Variants in SRRM1 observed in about 807,000 individuals in gnomAD.
SRRM1 encodes serine and arginine repetitive matrix 1.
A neutral mutation model predicts 110.2 loss-of-function variants in SRRM1; 19 were observed. That is an observed-to-expected ratio of 0.17 (90% CI 0.12 to 0.25). The LOEUF (loss-of-function observed/expected upper bound fraction) is 0.25, where lower values mean the gene tolerates loss of function less well. SRRM1 is among the 10% of genes least tolerant of loss of function. The pLI is 1.00. For synonymous variants in SRRM1, 443 were observed against 414.9 expected (o/e 1.07, Z -0.82); for missense variants, 918 against 1,145.8 (o/e 0.80, Z 2.87).
rs908855785 is a variant in SRRM1, at chr1:24,673,022, C to T, written c.*736C>T. ...GCAATGAGCTAGTCCCAGAAAGGAT[C>T]CTTCAGTTACATACAATTTGTTTAA... On this transcript the variant is annotated 3_prime_UTR_variant, in exon 17 of 17. Coordinates refer to ENST00000323848, the MANE Select transcript of SRRM1 (RefSeq NM_005839.4). 6.6e-6 allele frequency: 1 copy of T among 151,884 alleles called. No homozygotes were observed. The highest frequency in any genetic ancestry group is 2.4e-5 in the African/African-American group (1 of 41,318). The allele number at this position is 151,884 out of a possible 1,614,324, so 9.4% of individuals were successfully genotyped here.
rs763456982 is a variant in SRRM1, at chr1:24,651,449, C to T, written c.562C>T (p.Pro188Ser). The T allele has an allele frequency of 6.2e-7, 1 of 1,614,110 alleles. No individual in the cohort carries two copies. Among genetic ancestry groups the T allele is most frequent in the Non-Finnish European group, 8.5e-7 (1 of 1,180,016 alleles). ...RSPSPRRRSS[P>S]VRRERKRSHS... ...TCCTTCCCCTAGAAGACGATCTTCC[C>T]CTGTCAGGAGAGAGAGAAAGCGCAG... is the stretch of plus-strand genomic sequence containing the variant. The change falls in exon 6 of 17, where the codon CCT (proline) becomes TCT (serine). Residue 188 changes from proline (P) to serine (S), a missense_variant. Coordinates refer to ENST00000323848, the MANE Select transcript of SRRM1 (RefSeq NM_005839.4).
intron 12 of SRRM1, among the ~76,000 whole-genome samples, chr1:24,665,769 A>G (rs1163197499): frequency 1.3e-5 from 2 of 152,180 alleles, no homozygotes; most frequent in Non-Finnish European, 2.9e-5. Flanking sequence ...ATTTAGTGTG[A>G]GGTCTTAGTC....
intron 4 of SRRM1, 128 bp from the exon 5 acceptor site, chr1:24,649,843 C>T (rs1659592636): frequency 1.4e-6 from 1 of 708,156 alleles, no homozygotes; most frequent in Non-Finnish European, 2.2e-6. Context: ...GAAGAAAGAA[C>T]AGGTCTGGTT....
chr1:24,647,849 T>C (rs1225842006), intron 3 of SRRM1: 1 of 152,270 alleles, frequency 6.6e-6, no homozygotes, highest in Non-Finnish European at 1.5e-5. Context: ...TGATTGAAGA[T>C]AGATTTTATT....
At chr1:24,662,913 G>T in intron 12 of SRRM1, 109 bp downstream of exon 12, 2 of 1,435,942 alleles carry the variant, frequency 1.4e-6, no homozygotes, top group Non-Finnish European at 9.5e-7. Flanking sequence ...ATTTGGATGT[G>T]GTTGGATTTT....
chr1:24,650,718 C>A (rs1260268080), intron 5 of SRRM1: 1 of 152,132 alleles, frequency 6.6e-6, no homozygotes, highest in East Asian at 1.9e-4. Flanking sequence ...GAGGTAATTT[C>A]TTTGTCCCTT....
chr1:24,669,949 C>T (rs1040875568), intron 14 of SRRM1, 171 bp from the exon 15 acceptor site: 5 of 651,934 alleles, frequency 7.7e-6, no homozygotes, highest in African/African-American at 7.4e-5. Flanking sequence ...GCTTTAGCCA[C>T]CCTCTGGGAA....
At chr1:24,644,957 C>T (rs554149288) in intron 1 of SRRM1, among the ~76,000 whole-genome samples, 111 of 152,064 alleles carry the variant, frequency 7.3e-4, no homozygotes, top group African/African-American at 2.5e-3. Context: ...CCTACAATTG[C>T]TTAAATACAA....
At chr1:24,670,584 T>A (rs1223590455) in intron 15 of SRRM1, among the ~76,000 whole-genome samples, 1 of 152,176 alleles carries the variant, frequency 6.6e-6, no homozygotes, top group Non-Finnish European at 1.5e-5. Flanking sequence ...GCAGCCTTCC[T>A]GGACGCAGGT....
In SRRM1 at chr1:24,646,759, T is replaced by C; in HGVS notation, c.204T>C (p.Ile68=). 4 of 1,606,748 alleles carry C rather than the reference T, an allele frequency of 2.5e-6. No homozygotes were observed. The highest frequency in any genetic ancestry group is 3.4e-6 in the Non-Finnish European group (4 of 1,177,590). ...EILGFEDDVV[I]EFIFNQLEVK... is the part of the protein sequence containing the mutation. ...TTGGGTTTGAAGATGATGTTGTGAT[T>C]GAGTTTATATTCAACCAGCTGGAAG... is the stretch of plus-strand genomic sequence containing the variant. The change falls in exon 3 of 17, where the codon ATT becomes ATC. Residue 68 remains isoleucine (I), a synonymous_variant. Transcript: ENST00000323848.
intron 8 of SRRM1, chr1:24,654,272 A>T (rs1178361603): frequency 7.8e-7 from 1 of 1,288,382 alleles, no homozygotes; most frequent in Admixed American, 2.3e-5. Context: ...GCCAGTTTTT[A>T]TCTCACACTT....
At chr1:24,647,674 A>T (rs1267690826) in intron 3 of SRRM1, 1 of 152,630 alleles carries the variant, frequency 6.6e-6, no homozygotes, top group Non-Finnish European at 1.5e-5. Flanking sequence ...CTATGTTTTG[A>T]CAGAACAGTT....
At chr1:24,667,090 C>G (rs1354028572) in intron 13 of SRRM1, among the ~76,000 whole-genome samples, 165 bp downstream of exon 13, 1 of 152,184 alleles carries the variant, frequency 6.6e-6, no homozygotes, top group East Asian at 1.9e-4. Flanking sequence ...AAAAGGATCT[C>G]TGAATCTTTC....
rs528340120 is a variant in SRRM1, at chr1:24,652,884, T to G, written c.921-29T>G. 8 of 1,604,800 alleles carry G rather than the reference T, an allele frequency of 5.0e-6. 1 individual carries two copies. In the East Asian group the frequency reaches 1.8e-4, roughly 36 times the overall value. ...AAGAAATTCCTCACTCCTGGTTTAT[T>G]CAGGACCTAATTCTCTTTGTTATGG... is the stretch of plus-strand genomic sequence containing the variant. On this transcript the variant is annotated intron_variant, in intron 7 of 16. Transcript: ENST00000323848.
intron 1 of SRRM1, chr1:24,643,633 C>G: frequency 2.6e-6 from 1 of 381,852 alleles, no homozygotes. Flanking sequence ...GCCTGCCTGG[C>G]GGGGCCTGCA....
intron 9 of SRRM1, among the ~76,000 whole-genome samples, chr1:24,655,935 T>C (rs1407263608): frequency 6.6e-6 from 1 of 152,110 alleles, no homozygotes; most frequent in Non-Finnish European, 1.5e-5. Flanking sequence ...GTTATTATGA[T>C]CATATTGAAA....
chr1:24,652,053 T>TATATATATATATATAC (rs1434684262), intron 6 of SRRM1, among the ~76,000 whole-genome samples: 1 of 131,774 alleles, frequency 7.6e-6, no homozygotes, highest in African/African-American at 2.9e-5. Context: ...TATATATATA[T>TATATATATATATATAC]ATATATATAT....
chr1:24,653,072 C>T (rs1210974148), intron 8 of SRRM1, 40 bp downstream of exon 8: 8 of 1,580,496 alleles, frequency 5.1e-6, no homozygotes, highest in Admixed American at 1.8e-5. Flanking sequence ...GTGTTTGACA[C>T]TTCTGGATAA....
chr1:24,655,075 A>G lies in SRRM1; in HGVS notation c.1261A>G (p.Asn421Asp). The G allele has an allele frequency of 6.2e-7, 1 of 1,614,208 alleles. No individual in the cohort carries two copies. The highest frequency in any genetic ancestry group is 8.5e-7 in the Non-Finnish European group (1 of 1,180,048). ...GCATTCCCCTACACCCCAGCAGTCA[A>G]ACCGTACAAGAAAAAGTCGTGTTTC... Reference protein sequence around the residue: ...TRHSPTPQQSNRTRKSRVSVS... With the variant: ...TRHSPTPQQSDRTRKSRVSVS... The change falls in exon 9 of 17, where the codon AAC (asparagine) becomes GAC (aspartate). Residue 421 changes from asparagine (N) to aspartate (D), a missense_variant. Physicochemically the swap from Asn to Asp is conservative, Grantham distance 23. This residue lies in a region of SRRM1 where 456 missense variants were observed against 453.5 expected (regional missense o/e 1.01). Coordinates refer to ENST00000323848, the MANE Select transcript of SRRM1 (RefSeq NM_005839.4).
Sources: allele counts gnomAD v4.1 joint callset (sites outside exome capture counted in the v4.1 genomes callset), GRCh38; gene constraint gnomAD v4.1.1; regional missense constraint gnomAD v4.1.1; transcripts MANE v1.5; gene names NCBI Gene and HGNC (gene_info 2026-07-23, HGNC 2026-07-21).